ATOX1: variants seen among roughly 807,000 people sequenced by gnomAD.
The protein encoded by ATOX1 is antioxidant 1 copper chaperone.
In ATOX1, 4 loss-of-function variants were observed where a neutral mutation model predicts 7.3. The observed-to-expected ratio is 0.55, with a 90% CI of 0.27 to 1.25. The LOEUF (loss-of-function observed/expected upper bound fraction) is 1.25, where lower values mean the gene tolerates loss of function less well. Among genes scored for constraint, ATOX1 ranks in the 50% most tolerant of loss-of-function variants. The pLI is 0.12. For synonymous variants in ATOX1, 25 were observed against 28.7 expected (o/e 0.87, Z 0.41); for missense variants, 68 against 81.6 (o/e 0.83, Z 0.64).
intron 1 of ATOX1, among the ~76,000 whole-genome samples, chr5:151,757,286 C>A (rs1369431483): frequency 6.6e-6 from 1 of 152,186 alleles, no homozygotes; most frequent in Non-Finnish European, 1.5e-5. Flanking sequence ...ATCAAGCTAG[C>A]CTTTTCCTCA....
At chr5:151,745,840 T>C (rs994441137) in intron 3 of ATOX1, 5 of 153,532 alleles carry the variant, frequency 3.3e-5, no homozygotes, top group African/African-American at 1.2e-4. Flanking sequence ...GAGCATCACT[T>C]GAGCCCAGGA....
intron 1 of ATOX1, among the ~76,000 whole-genome samples, chr5:151,754,980 CAAAAAAAAA>C (rs79359321): frequency 2.9e-4 from 14 of 48,882 alleles, no homozygotes; most frequent in East Asian, 1.1e-3. Flanking sequence ...AGACACCGTC[CAAAAAAAAA>C]AAAAAAAAAA....
intron 3 of ATOX1, chr5:151,744,344 T>C (rs979381602): frequency 1.3e-5 from 2 of 152,224 alleles, no homozygotes; most frequent in African/African-American, 2.4e-5. Flanking sequence ...GTTATTTATA[T>C]CCTACTGTTC....
intron 1 of ATOX1, among the ~76,000 whole-genome samples, chr5:151,755,854 C>CT (rs1008442225): frequency 2.7e-5 from 4 of 149,128 alleles, no homozygotes; most frequent in African/African-American, 9.9e-5. Flanking sequence ...CCTCTGGGGT[C>CT]TTTTATAAAG....
chr5:151,748,705 T>A (rs1761908077), intron 2 of ATOX1, among the ~76,000 whole-genome samples: 1 of 151,796 alleles, frequency 6.6e-6, no homozygotes, highest in African/African-American at 2.4e-5. Context: ...CTACTAAAAA[T>A]ACAAAAATTA....
At chr5:151,746,155 C>G (rs544044266) in intron 3 of ATOX1, 124 bp downstream of exon 3, 5 of 783,442 alleles carry the variant, frequency 6.4e-6, no homozygotes, top group Admixed American at 3.0e-5. Flanking sequence ...AGAAGGTGGA[C>G]AGTGGATTGA....
chr5:151,749,289 C>T (rs930632158), intron 2 of ATOX1, among the ~76,000 whole-genome samples: 2 of 152,096 alleles, frequency 1.3e-5, no homozygotes, highest in Admixed American at 6.5e-5. Flanking sequence ...AGTTTGAGAC[C>T]AGCCTGGCCA....
chr5:151,752,472 C>A, intron 1 of ATOX1: 1 of 658,968 alleles, frequency 1.5e-6, no homozygotes, highest in South Asian at 1.7e-5. Flanking sequence ...TCTAACAGAT[C>A]AAGGGTCTGA....
intron 1 of ATOX1, chr5:151,752,157 C>G: frequency 3.0e-6 from 2 of 668,556 alleles, no homozygotes; most frequent in Non-Finnish European, 5.4e-6. Context: ...GGCCCCCATA[C>G]TCTGAGCAAT....
At chr5:151,745,410 C>G (rs1379870497) in intron 3 of ATOX1, 1 of 152,176 alleles carries the variant, frequency 6.6e-6, no homozygotes, top group African/African-American at 2.4e-5. Flanking sequence ...CAAACCACAT[C>G]AGAGGTGTGG....
chr5:151,751,706 C>G lies in ATOX1; in HGVS notation c.80G>C (p.Gly27Ala). ...EAVSRVLNKLGGVKYDIDLPN... is the reference protein window; with the variant it reads ...EAVSRVLNKLAGVKYDIDLPN... ...CCAACTCAGGGCCACTCACTCACCT[C>G]CAAGCTTATTGAGGACCCGAGAGAC... Residue 27 changes from glycine to alanine, a missense_variant and splice_region_variant, in exon 2 of 4, where the codon GGA becomes GCA. By Grantham distance (60) the Gly-to-Ala change is moderately conservative. Transcript: ENST00000313115. The G allele has an allele frequency of 3.7e-6, 6 of 1,604,710 alleles. No homozygotes were observed. The highest frequency in any genetic ancestry group is 5.1e-6 in the Non-Finnish European group (6 of 1,175,866).
intron 2 of ATOX1, among the ~76,000 whole-genome samples, chr5:151,748,671 G>A (rs899264479): frequency 2.4e-4 from 37 of 152,116 alleles, no homozygotes; most frequent in African/African-American, 8.9e-4. Context: ...AGACCAGCCT[G>A]GCTAACGTGG....
intron 1 of ATOX1, chr5:151,752,047 A>AG: frequency 1.7e-6 from 1 of 597,122 alleles, no homozygotes; most frequent in South Asian, 2.1e-5. Context: ...AATCACCTGG[A>AG]GATCTAGTTT....
At chr5:151,754,168 A>G (rs1483697583) in intron 1 of ATOX1, 1 of 152,238 alleles carries the variant, frequency 6.6e-6, no homozygotes, top group East Asian at 1.9e-4. Flanking sequence ...CCTCAGCCCA[A>G]CAATATGAGC....
intron 2 of ATOX1, among the ~76,000 whole-genome samples, chr5:151,747,521 G>A (rs1318032546): frequency 3.3e-5 from 5 of 152,008 alleles, no homozygotes; most frequent in Non-Finnish European, 7.4e-5. Context: ...CTAGGCTCAA[G>A]CGATCCGCCT....
chr5:151,754,470 A>C (rs1053111481), intron 1 of ATOX1, among the ~76,000 whole-genome samples: 1 of 152,042 alleles, frequency 6.6e-6, no homozygotes, highest in African/African-American at 2.4e-5. Flanking sequence ...AAAATTAGCC[A>C]GGCATGGTGG....
chr5:151,751,890 G>A, intron 1 of ATOX1, 111 bp from the exon 2 acceptor site: 1 of 1,071,056 alleles, frequency 9.3e-7, no homozygotes, highest in Non-Finnish European at 1.4e-6. Context: ...GACTGGGCAG[G>A]ACCTGGTTGG....
rs117526749 is a variant in ATOX1 at position 151,745,955 on chromosome 5, G to C, written c.*46+324C>G. 248 of 186,586 alleles carry C rather than the reference G, an allele frequency of 1.3e-3. 2 individuals carry two copies. In the East Asian group the frequency reaches 0.02, roughly 15 times the overall value. The allele number at this position is 186,586 out of a possible 1,614,324, so 11.6% of individuals were successfully genotyped here. A position where few individuals can be genotyped will look rare whatever the true frequency, so the allele number is the denominator to read the frequency against. ...CTCAAACCAATGAACAAATAAAGAA[G>C]TCAAAGGTGCACTGCTTAGGGTCAC... On this transcript the variant is annotated intron_variant, in intron 3 of 3. Transcript: ENST00000313115.
chr5:151,756,611 T>C (rs1762020446), intron 1 of ATOX1, among the ~76,000 whole-genome samples: 1 of 152,140 alleles, frequency 6.6e-6, no homozygotes, highest in Non-Finnish European at 1.5e-5. Flanking sequence ...TAGCTGGGAC[T>C]ATAGGCACGG....
Sources: allele counts gnomAD v4.1 joint callset (sites outside exome capture counted in the v4.1 genomes callset), GRCh38; gene constraint gnomAD v4.1.1; transcripts MANE v1.5; gene names NCBI Gene and HGNC (gene_info 2026-07-23, HGNC 2026-07-21).